Variants in SCFD2 observed in about 807,000 individuals in gnomAD.
SCFD2 encodes sec1 family domain-containing protein 2.
In SCFD2, 54 loss-of-function variants were observed where a neutral mutation model predicts 58.9. The ratio of observed to expected loss-of-function variants is 0.92; its 90% CI spans 0.74 to 1.15. The LOEUF is 1.15. SCFD2 is among the 50% of genes most tolerant of loss of function. The pLI is 0.00. For synonymous variants in SCFD2, 321 were observed against 335.9 expected (o/e 0.96, Z 0.49); for missense variants, 805 against 836.6 (o/e 0.96, Z 0.47).
intron 3 of SCFD2, among the ~76,000 whole-genome samples, chr4:53,280,298 T>C (rs1479345714): frequency 6.6e-6 from 1 of 152,112 alleles, no homozygotes; most frequent in East Asian, 1.9e-4. Context: ...GGCAGATCAC[T>C]TGAGGCCAGG....
intron 4 of SCFD2, among the ~76,000 whole-genome samples, chr4:53,146,491 A>G (rs1433494083): frequency 1.3e-5 from 2 of 152,204 alleles, no homozygotes; most frequent in African/African-American, 4.8e-5. Flanking sequence ...AATTAATACA[A>G]CTTGCAACTT....
chr4:53,256,873 G>T (rs1730656284), intron 4 of SCFD2, among the ~76,000 whole-genome samples: 1 of 139,500 alleles, frequency 7.2e-6, no homozygotes. Context: ...GGGAGAGGGA[G>T]ACCGTGGGGA....
intron 7 of SCFD2, among the ~76,000 whole-genome samples, chr4:52,900,933 CCT>C (rs1396151645): frequency 1.3e-5 from 2 of 152,196 alleles, no homozygotes; most frequent in African/African-American, 4.8e-5. Flanking sequence ...GGCGCAGGAC[CCT>C]CTGAGCCAGG....
rs190262988 is a variant in SCFD2, at chr4:53,080,158, T to C, written c.1561+65175A>G. 1.8e-3 allele frequency among the ~76,000 whole-genome samples: 278 copies of C among 152,292 alleles called. 2 individuals carry two copies. The highest frequency in any genetic ancestry group is 3.3e-3 in the South Asian group (16 of 4,822). ...CTCTACTCCCCTTAACAATTGCTTCTTAGTCTAAGAATGATGAGTTCTCAT... is the reference window on the plus strand; with the variant it reads ...CTCTACTCCCCTTAACAATTGCTTCCTAGTCTAAGAATGATGAGTTCTCAT... On this transcript the variant is annotated intron_variant, in intron 5 of 8. Coordinates refer to ENST00000401642, the MANE Select transcript of SCFD2 (RefSeq NM_152540.4).
intron 3 of SCFD2, among the ~76,000 whole-genome samples, chr4:53,283,159 T>A (rs1224928357): frequency 6.6e-6 from 1 of 152,234 alleles, no homozygotes; most frequent in African/African-American, 2.4e-5. Context: ...AAGACTCCCT[T>A]GTATACTTAC....
intron 5 of SCFD2, among the ~76,000 whole-genome samples, chr4:53,099,265 C>T (rs909885739): frequency 1.3e-5 from 2 of 152,170 alleles, no homozygotes; most frequent in African/African-American, 4.8e-5. Context: ...CTCCTTTTGT[C>T]ACATGAGGTC....
intron 4 of SCFD2, among the ~76,000 whole-genome samples, chr4:53,160,285 C>T (rs750375156): frequency 5.3e-5 from 8 of 152,104 alleles, no homozygotes; most frequent in Non-Finnish European, 8.8e-5. Flanking sequence ...TTTCTCATTT[C>T]GGCTATGGTG....
chr4:53,340,217 G>A (rs932296297), intron 2 of SCFD2, among the ~76,000 whole-genome samples: 2 of 151,976 alleles, frequency 1.3e-5, no homozygotes, highest in Admixed American at 6.6e-5. Flanking sequence ...CTAACCAAGG[G>A]AAGCTGTGAC....
intron 5 of SCFD2, among the ~76,000 whole-genome samples, chr4:53,066,543 T>C (rs908052840): frequency 5.3e-5 from 8 of 152,080 alleles, no homozygotes; most frequent in Non-Finnish European, 1.2e-4. Context: ...ATAAATATTA[T>C]AGGTCCAGCA....
At chr4:53,056,142 T>C (rs1413544414) in intron 5 of SCFD2, among the ~76,000 whole-genome samples, 3 of 150,260 alleles carry the variant, frequency 2.0e-5, no homozygotes, top group Non-Finnish European at 4.4e-5. Context: ...TTTTTTTTTT[T>C]CAGGTCATAG....
At chr4:53,105,898 GGGA>G (rs1724985823) in intron 5 of SCFD2, among the ~76,000 whole-genome samples, 1 of 130,678 alleles carries the variant, frequency 7.7e-6, no homozygotes, top group Non-Finnish European at 1.6e-5. Flanking sequence ...CCTCCTGACT[GGGA>G]GACACTTCCC....
At chr4:53,034,923 C>T (rs1004236224) in intron 5 of SCFD2, among the ~76,000 whole-genome samples, 1 of 152,174 alleles carries the variant, frequency 6.6e-6, no homozygotes, top group Non-Finnish European at 1.5e-5. Flanking sequence ...ACATTCAATG[C>T]TATCCCCATC....
intron 5 of SCFD2, among the ~76,000 whole-genome samples, chr4:53,019,323 T>C (rs1245311381): frequency 3.9e-5 from 6 of 152,188 alleles, no homozygotes; most frequent in Non-Finnish European, 8.8e-5. Flanking sequence ...CATATAAAGA[T>C]TAACTTGTAT....
chr4:53,244,854 C>A (rs1730015899), intron 4 of SCFD2, among the ~76,000 whole-genome samples: 1 of 150,318 alleles, frequency 6.7e-6, no homozygotes. Context: ...TAAGATAGAC[C>A]AATAGCTAGA....
At chr4:53,051,219 A>G (rs1273046880) in intron 5 of SCFD2, among the ~76,000 whole-genome samples, 7 of 152,184 alleles carry the variant, frequency 4.6e-5, no homozygotes. Flanking sequence ...GTTTGAGAAC[A>G]TCTTCTATCA....
intron 2 of SCFD2, among the ~76,000 whole-genome samples, chr4:53,337,264 C>G (rs1465680468): frequency 1.3e-5 from 2 of 152,104 alleles, no homozygotes; most frequent in Non-Finnish European, 2.9e-5. Context: ...TGTGTGTGAC[C>G]AAAGTTAATC....
At chr4:53,201,605 C>T (rs1728241607) in intron 4 of SCFD2, among the ~76,000 whole-genome samples, 1 of 152,124 alleles carries the variant, frequency 6.6e-6, no homozygotes, top group Non-Finnish European at 1.5e-5. Context: ...GCCACACTGA[C>T]TTCCACAATG....
At chr4:53,187,686 A>G (rs1727777747) in intron 4 of SCFD2, among the ~76,000 whole-genome samples, 1 of 152,094 alleles carries the variant, frequency 6.6e-6, no homozygotes, top group African/African-American at 2.4e-5. Flanking sequence ...TCCCATTTTC[A>G]TTAAAACAAC....
intron 4 of SCFD2, among the ~76,000 whole-genome samples, chr4:53,240,704 G>A (rs372223244): frequency 5.9e-5 from 9 of 152,222 alleles, no homozygotes; most frequent in African/African-American, 2.2e-4. Flanking sequence ...TTGCAGCTCT[G>A]GTTCTGAACA....
Sources: gnomAD v4.1 joint callset for allele counts (sites outside exome capture counted in the v4.1 genomes callset) on GRCh38, gnomAD v4.1.1 for gene constraint, MANE v1.5 for transcripts, NCBI Gene and HGNC (gene_info 2026-07-23, HGNC 2026-07-21) for gene names.